LUZP2: variants seen among roughly 807,000 people sequenced by gnomAD.
The protein encoded by LUZP2 is leucine zipper protein 2.
A neutral mutation model predicts 51.6 loss-of-function variants in LUZP2; 52 were observed. The observed-to-expected ratio is 1.01, with a 90% CI of 0.81 to 1.27. The LOEUF (loss-of-function observed/expected upper bound fraction) is 1.27, where lower values mean the gene tolerates loss of function less well. Among genes scored for constraint, LUZP2 ranks in the 50% most tolerant of loss-of-function variants. The pLI, the probability that LUZP2 is intolerant of heterozygous loss-of-function variation, is 0.00. For missense variants in LUZP2, 436 were observed against 395.4 expected (o/e 1.10, Z -0.87); for synonymous variants, 154 against 137.3 (o/e 1.12, Z -0.85).
At chr11:24,701,063 C>T (rs182018352) in intron 1 of LUZP2, among the ~76,000 whole-genome samples, 1 of 152,268 alleles carries the variant, frequency 6.6e-6, no homozygotes, top group East Asian at 1.9e-4. Context: ...CTGTATTCAT[C>T]TGTTTTTGTG....
intron 1 of LUZP2, among the ~76,000 whole-genome samples, chr11:24,514,160 T>C (rs1422214527): frequency 6.6e-6 from 1 of 152,178 alleles, no homozygotes; most frequent in African/African-American, 2.4e-5. Context: ...AGAGGAGTCT[T>C]GATTGGTGGG....
At chr11:24,947,808 A>C (rs573891122) in intron 7 of LUZP2, among the ~76,000 whole-genome samples, 1 of 151,794 alleles carries the variant, frequency 6.6e-6, no homozygotes, top group Non-Finnish European at 1.5e-5. Context: ...ATTGTTTATC[A>C]TGAGAAAGCC....
intron 1 of LUZP2, among the ~76,000 whole-genome samples, chr11:24,500,565 T>A (rs1849962694): frequency 6.6e-6 from 1 of 152,152 alleles, no homozygotes. Context: ...TCTTTAGAAG[T>A]TCTTGGTGAA....
At chr11:24,839,083 T>C (rs1196121553) in intron 5 of LUZP2, among the ~76,000 whole-genome samples, 1 of 151,686 alleles carries the variant, frequency 6.6e-6, no homozygotes, top group Non-Finnish European at 1.5e-5. Context: ...GAAATAAAGT[T>C]GTAGGTTGTA....
chr11:25,045,881 AT>A, intron 9 of LUZP2, among the ~76,000 whole-genome samples: 1 of 152,282 alleles, frequency 6.6e-6, no homozygotes, highest in South Asian at 2.1e-4. Flanking sequence ...ATCTTTACCA[AT>A]TTTAGTAAAG....
At chr11:24,976,280 G>A (rs1855878643) in intron 7 of LUZP2, among the ~76,000 whole-genome samples, 1 of 151,930 alleles carries the variant, frequency 6.6e-6, no homozygotes, top group Non-Finnish European at 1.5e-5. Flanking sequence ...AGAAATATAA[G>A]TGATGGATCT....
chr11:24,530,674 T>C (rs1455544959), intron 1 of LUZP2, among the ~76,000 whole-genome samples: 1 of 150,344 alleles, frequency 6.7e-6, no homozygotes, highest in Admixed American at 6.7e-5. Context: ...TGTCAGTTGT[T>C]TACATTTTGC....
At chr11:25,018,037 G>GTTTTTTTTTTTTTTTTTTTTTTT (rs1410360304) in intron 9 of LUZP2, among the ~76,000 whole-genome samples, 1 of 131,094 alleles carries the variant, frequency 7.6e-6, no homozygotes, top group African/African-American at 3.0e-5. Flanking sequence ...TTTTGTTTCT[G>GTTTTTTTTTTTTTTTTTTTTTTT]TTTTTTTTTT....
chr11:24,683,769 C>T (rs554698681), intron 1 of LUZP2, among the ~76,000 whole-genome samples: 7 of 152,294 alleles, frequency 4.6e-5, no homozygotes, highest in African/African-American at 1.7e-4. Flanking sequence ...CTTGCACTTA[C>T]CACTGCCCCT....
intron 10 of LUZP2, among the ~76,000 whole-genome samples, chr11:25,056,232 T>C (rs909222062): frequency 1.3e-5 from 2 of 152,086 alleles, no homozygotes; most frequent in African/African-American, 2.4e-5. Context: ...AATGAACTCT[T>C]AATGAAAAGT....
At chr11:25,075,285 T>A (rs1177634083) in intron 10 of LUZP2, among the ~76,000 whole-genome samples, 1 of 152,174 alleles carries the variant, frequency 6.6e-6, no homozygotes, top group East Asian at 1.9e-4. Context: ...AGCTATTGAT[T>A]TTTAGTCTTA....
rs1402088609 is a variant in LUZP2 at position 24,657,847 on chromosome 11, C to G, written c.63-71322C>G. On this transcript the variant is annotated intron_variant, in intron 1 of 11. Coordinates refer to ENST00000336930, the MANE Select transcript of LUZP2 (RefSeq NM_001009909.4). The stretch of plus-strand genomic sequence containing the variant: ...CAATTGCTTCAAAGAGAATAAAATA[C>G]CTAGGAATCCAACTTACAAGGGATG... 2.0e-5 allele frequency among the ~76,000 whole-genome samples: 3 copies of G among 152,142 alleles called. No individual in the cohort carries two copies. The East Asian group carries it at 5.8e-4, about 29-fold the overall frequency.
intron 1 of LUZP2, among the ~76,000 whole-genome samples, chr11:24,656,846 T>G (rs191240024): frequency 1.3e-5 from 2 of 152,258 alleles, no homozygotes; most frequent in Non-Finnish European, 2.9e-5. Context: ...CTGGAGAAAG[T>G]TTTCTGCCAG....
chr11:25,011,449 A>C (rs1856981394), intron 9 of LUZP2, among the ~76,000 whole-genome samples: 1 of 152,172 alleles, frequency 6.6e-6, no homozygotes, highest in Non-Finnish European at 1.5e-5. Context: ...CATAATAGGG[A>C]CAACTTTGCT....
At chr11:24,864,522 G>T (rs1851829396) in intron 5 of LUZP2, among the ~76,000 whole-genome samples, 1 of 152,160 alleles carries the variant, frequency 6.6e-6, no homozygotes, top group South Asian at 2.1e-4. Flanking sequence ...ATATGAGCTT[G>T]TTTCTCTCTT....
chr11:24,510,773 A>G (rs1347730815), intron 1 of LUZP2, among the ~76,000 whole-genome samples: 3 of 152,236 alleles, frequency 2.0e-5, no homozygotes, highest in African/African-American at 7.2e-5. Flanking sequence ...TAAAAATTCT[A>G]ATTTTAAAAG....
intron 5 of LUZP2, among the ~76,000 whole-genome samples, chr11:24,863,726 A>T (rs962533990): frequency 4.6e-5 from 7 of 152,158 alleles, no homozygotes; most frequent in Non-Finnish European, 1.0e-4. Context: ...CATCTAAATA[A>T]AGCTGTTATA....
At chr11:24,635,799 A>G (rs1855081066) in intron 1 of LUZP2, among the ~76,000 whole-genome samples, 1 of 152,138 alleles carries the variant, frequency 6.6e-6, no homozygotes, top group Non-Finnish European at 1.5e-5. Flanking sequence ...GCGTTGACTA[A>G]AAGTGGATCT....
At chr11:24,621,122 T>C (rs1006374254) in intron 1 of LUZP2, among the ~76,000 whole-genome samples, 2 of 152,194 alleles carry the variant, frequency 1.3e-5, no homozygotes, top group Non-Finnish European at 2.9e-5. Context: ...ATCCTTAGAG[T>C]AGAAAATGTC....
Sources: allele counts gnomAD v4.1 joint callset (sites outside exome capture counted in the v4.1 genomes callset), GRCh38; gene constraint gnomAD v4.1.1; transcripts MANE v1.5; gene names NCBI Gene and HGNC (gene_info 2026-07-23, HGNC 2026-07-21).